The following FNTB variants were observed in gnomAD, a reference collection of about 807,000 sequenced individuals.
The protein encoded by FNTB is farnesyltransferase, CAAX box, subunit beta.
FNTB carries 27 observed loss-of-function variants against 59.4 expected under a neutral mutation model. The ratio of observed to expected loss-of-function variants is 0.45; its 90% CI spans 0.34 to 0.63. The LOEUF is 0.63. Ranked by LOEUF, FNTB falls within the 20% of genes least tolerant of loss-of-function variation. The pLI is 0.02. For synonymous variants in FNTB, 230 were observed against 220.7 expected (o/e 1.04, Z -0.37); for missense variants, 449 against 559.6 (o/e 0.80, Z 1.99).
rs544693622 is a variant in FNTB, at chr14:65,036,835, G to A, written c.693-3955G>A. Among the ~76,000 whole-genome samples the A allele has an allele frequency of 1.1e-4, 16 of 151,644 alleles. 1 individual carries two copies. In the South Asian group the frequency reaches 2.1e-3, roughly 20 times the overall value. ...GTATTTTTAGTAGAGACAGGGTCTC[G>A]TCATACTGGCCAGGCTGGTCTCAAA... On this transcript the variant is annotated intron_variant, in intron 7 of 11. Coordinates refer to ENST00000246166, the MANE Select transcript of FNTB (RefSeq NM_002028.4).
chr14:65,038,577 G>A (rs919032511), intron 7 of FNTB, among the ~76,000 whole-genome samples: 8 of 151,794 alleles, frequency 5.3e-5, no homozygotes, highest in African/African-American at 1.9e-4. Flanking sequence ...AATTAGCCGG[G>A]CGTGGTGGCA....
chr14:65,026,305 G>A (rs1379353517), intron 4 of FNTB, among the ~76,000 whole-genome samples: 9 of 152,208 alleles, frequency 5.9e-5, no homozygotes, highest in Admixed American at 5.9e-4. Flanking sequence ...GGGCTCTCTT[G>A]ATTTCACCTA....
intron 4 of FNTB, among the ~76,000 whole-genome samples, chr14:65,025,173 G>T (rs924494154): frequency 1.2e-4 from 19 of 152,170 alleles, no homozygotes; most frequent in Non-Finnish European, 4.4e-5. Flanking sequence ...GCTGAGGGAG[G>T]TTGGCATGGA....
chr14:65,054,430 T>C lies in FNTB; in HGVS notation c.1068-145T>C. 1.3e-6 allele frequency: 1 copy of C among 782,966 alleles called. No homozygotes were observed. Among genetic ancestry groups the C allele is most frequent in the Non-Finnish European group, 2.0e-6 (1 of 490,454 alleles). The allele number at this position is 782,966 out of a possible 1,614,324, so 48.5% of individuals were successfully genotyped here. On this transcript the variant is annotated intron_variant, in intron 10 of 11. Coordinates refer to ENST00000246166, the MANE Select transcript of FNTB (RefSeq NM_002028.4). This position sits in a 1 kb window ranked among gnomAD's most constrained non-coding sequence, Gnocchi z 4.4. Reference sequence around the variant, plus strand: ...CAGCCAGTGGGGCTTTAAATAACACTGCTGGGAAAACCATGCCTCCTCTAG... The same window carrying C: ...CAGCCAGTGGGGCTTTAAATAACACCGCTGGGAAAACCATGCCTCCTCTAG...
chr14:64,988,812 C>T (rs1594977439), intron 1 of FNTB, among the ~76,000 whole-genome samples: 1 of 152,278 alleles, frequency 6.6e-6, no homozygotes, highest in East Asian at 1.9e-4. Flanking sequence ...GTTATTCCAG[C>T]ACACATTATT....
At chr14:65,037,408 T>TC (rs2062222624) in intron 7 of FNTB, among the ~76,000 whole-genome samples, 1 of 43,144 alleles carries the variant, frequency 2.3e-5, no homozygotes, top group Non-Finnish European at 4.4e-5. Flanking sequence ...GGGCCCTTTT[T>TC]TTTTTTTTTT....
Position 65,040,817 on chromosome 14 carries a change from C to G in FNTB, c.720C>G (p.Gly240=). ...ARCQNWEGGI[G]GVPGMEAHGG... is the part of the protein sequence containing the mutation. Reference sequence around the variant, plus strand: ...GTCAGAACTGGGAAGGTGGCATTGGCGGGGTACCAGGGATGGAAGCCCATG... The same window carrying G: ...GTCAGAACTGGGAAGGTGGCATTGGGGGGGTACCAGGGATGGAAGCCCATG... Residue 240 remains glycine (G), a synonymous_variant, in exon 8 of 12, where the codon GGC becomes GGG. Transcript: ENST00000246166. The G allele has an allele frequency of 6.2e-7, 1 of 1,613,314 alleles. No homozygotes were observed. The highest frequency in any genetic ancestry group is 8.5e-7 in the Non-Finnish European group (1 of 1,179,852).
rs1310940686 is a variant in FNTB, at chr14:65,028,712, C to A, written c.605+931C>A. ...TCTATCTCTAACTTGTCTAATCCAA[C>A]CAAAAAAATTAGATTAGGATCTGTG... On this transcript the variant is annotated intron_variant, in intron 6 of 11. Coordinates refer to ENST00000246166, the MANE Select transcript of FNTB (RefSeq NM_002028.4). This position sits in a 1 kb window ranked among gnomAD's most constrained non-coding sequence, Gnocchi z 4.4. Among the ~76,000 whole-genome samples, 11 of 152,062 alleles carry A rather than the reference C, an allele frequency of 7.2e-5. No individual in the cohort carries two copies. Among genetic ancestry groups the A allele is most frequent in the African/African-American group, 2.7e-4 (11 of 41,368 alleles).
At chr14:65,053,167 G>T in intron 9 of FNTB, 71 bp from the exon 10 acceptor site, 1 of 1,198,582 alleles carries the variant, frequency 8.3e-7, no homozygotes, top group Non-Finnish European at 1.1e-6. Context: ...CCCCAGGTGA[G>T]AAAGTGGAAT....
Position 65,001,150 on chromosome 14 carries a change from C to T in FNTB, c.145-3099C>T, listed in dbSNP as rs1290292184. Among the ~76,000 whole-genome samples, 1 of 152,148 alleles carries T rather than the reference C, an allele frequency of 6.6e-6. No homozygotes were observed. The highest frequency in any genetic ancestry group is 2.4e-5 in the African/African-American group (1 of 41,422). On this transcript the variant is annotated intron_variant, in intron 1 of 11. Coordinates refer to ENST00000246166, the MANE Select transcript of FNTB (RefSeq NM_002028.4). The surrounding 1 kb of genome is among the most constrained non-coding windows in gnomAD (Gnocchi z 5.5). ...TGAGCTATTTTTCTTTTCTCGATTG[C>T]AGTTACATTGTACTAGGAGGTATTA... is the stretch of plus-strand genomic sequence containing the variant.
rs562609270 is a variant in FNTB at position 65,060,075 on chromosome 14, C to T, written c.1183-1106C>T. 3.9e-3 allele frequency among the ~76,000 whole-genome samples: 590 copies of T among 151,806 alleles called. 2 individuals are homozygous for T. Among genetic ancestry groups the T allele is most frequent in the South Asian group, 0.014 (66 of 4,808 alleles). On this transcript the variant is annotated intron_variant, in intron 11 of 11. Coordinates refer to ENST00000246166, the MANE Select transcript of FNTB (RefSeq NM_002028.4). ...CTTGAACTCCTGACCTCGGGTGATC[C>T]ATCCACCTCGGCCTCCCAAAATGCT...
At chr14:65,000,838 A>AAAG (rs1555389705) in intron 1 of FNTB, among the ~76,000 whole-genome samples, 15 of 116,090 alleles carry the variant, frequency 1.3e-4, no homozygotes, top group South Asian at 8.4e-4. Flanking sequence ...AAAAAAAAAA[A>AAAG]AAAGAATAGT....
intron 7 of FNTB, among the ~76,000 whole-genome samples, chr14:65,033,598 C>G (rs2062128468): frequency 6.6e-6 from 1 of 152,198 alleles, no homozygotes; most frequent in Non-Finnish European, 1.5e-5. Context: ...TGGCTCACGC[C>G]TGTAATTCCA....
At chr14:64,992,420 A>T (rs1401356877) in intron 1 of FNTB, among the ~76,000 whole-genome samples, 1 of 152,166 alleles carries the variant, frequency 6.6e-6, no homozygotes, top group Non-Finnish European at 1.5e-5. Flanking sequence ...TCCTCTTCTT[A>T]TTTATAAAAT....
Position 65,054,714 on chromosome 14 carries a change from C to A in FNTB, c.1182+25C>A, listed in dbSNP as rs747276105. On this transcript the variant is annotated intron_variant, in intron 11 of 11. Coordinates refer to ENST00000246166, the MANE Select transcript of FNTB (RefSeq NM_002028.4). This position sits in a 1 kb window ranked among gnomAD's most constrained non-coding sequence, Gnocchi z 4.4. The stretch of plus-strand genomic sequence containing the variant: ...GGTAAGACGGGTGCAGGGCTTCACA[C>A]CCCTTCTCCACAGGGACCTCGCGGA... 1 of 1,585,966 alleles carries A rather than the reference C, an allele frequency of 6.3e-7. No individual in the cohort carries two copies. Among genetic ancestry groups the A allele is most frequent in the South Asian group, 1.1e-5 (1 of 87,360 alleles).
At chr14:65,039,456 TA>T (rs1475021138) in intron 7 of FNTB, among the ~76,000 whole-genome samples, 3 of 152,202 alleles carry the variant, frequency 2.0e-5, no homozygotes, top group Non-Finnish European at 4.4e-5. Flanking sequence ...GTAGGGGACT[TA>T]AAGGTCTGAT....
intron 4 of FNTB, chr14:65,022,024 CA>C (rs1314522508): frequency 1.3e-5 from 6 of 455,922 alleles, no homozygotes; most frequent in Non-Finnish European, 2.6e-5. Flanking sequence ...GATGAAGAGT[CA>C]AATAACACGT....
rs1382828229 is a variant in FNTB, at chr14:65,029,172, T to C, written c.605+1391T>C. ...CTGCCATTCGTGCCCGTGCTTTCTA[T>C]TTACATAAAGGATTAAAGATATGAA... On this transcript the variant is annotated intron_variant, in intron 6 of 11. Coordinates refer to ENST00000246166, the MANE Select transcript of FNTB (RefSeq NM_002028.4). The surrounding 1 kb of genome is among the most constrained non-coding windows in gnomAD (Gnocchi z 4.7). 6.6e-6 allele frequency among the ~76,000 whole-genome samples: 1 copy of C among 152,194 alleles called. No individual in the cohort carries two copies. The highest frequency in any genetic ancestry group is 2.4e-5 in the African/African-American group (1 of 41,446).
intron 11 of FNTB, among the ~76,000 whole-genome samples, chr14:65,059,635 GT>G (rs1302802360): frequency 2.6e-5 from 4 of 151,878 alleles, no homozygotes; most frequent in Non-Finnish European, 5.9e-5. Flanking sequence ...CTGCAGTTGT[GT>G]CCCCTTCTTC....
Sources: gnomAD v4.1 joint callset for allele counts (sites outside exome capture counted in the v4.1 genomes callset) on GRCh38, gnomAD v4.1.1 for gene constraint, Gnocchi (gnomAD v3.1) non-coding constraint, MANE v1.5 for transcripts, NCBI Gene and HGNC (gene_info 2026-07-23, HGNC 2026-07-21) for gene names.